The following MAGEA1 variants were observed in gnomAD, a reference collection of about 807,000 sequenced individuals.
The protein encoded by MAGEA1 is MAGE family member A1.
For missense variants in MAGEA1, 182 were observed against 233.7 expected (o/e 0.78, Z 1.44); for synonymous variants, 101 against 96.7 (o/e 1.04, Z -0.26).
intron 1 of MAGEA1, among the ~76,000 whole-genome samples, chrX:153,179,609 G>A (rs1335334206): frequency 9.1e-6 from 1 of 109,334 alleles, no homozygotes; most frequent in Non-Finnish European, 1.9e-5. Context: ...GGCTCTGCCA[G>A]GCATCAAGAT....
intron 1 of MAGEA1, among the ~76,000 whole-genome samples, chrX:153,181,296 C>T (rs2051491855): frequency 9.0e-6 from 1 of 110,750 alleles, no homozygotes; most frequent in Admixed American, 9.5e-5. Context: ...CTCAGGTCAA[C>T]GTAGGGACCC....
intron 2 of MAGEA1, 34 bp from the exon 3 acceptor site, chrX:153,182,291 G>T: frequency 1.0e-6 from 1 of 985,992 alleles, no homozygotes; most frequent in African/African-American, 1.9e-5. Context: ...TCAGTTCTCA[G>T]CTGAGGCCTC....
chrX:153,181,483 G>A (rs1199853492), intron 1 of MAGEA1, among the ~76,000 whole-genome samples: 2 of 111,599 alleles, frequency 1.8e-5, no homozygotes, highest in Non-Finnish European at 3.8e-5. Context: ...AGGTCCTTCC[G>A]TTATCCTGGG....
intron 1 of MAGEA1, among the ~76,000 whole-genome samples, chrX:153,181,673 C>G (rs1380121241): frequency 9.0e-6 from 1 of 111,649 alleles, no homozygotes; most frequent in Non-Finnish European, 1.9e-5. Flanking sequence ...GACCTAGGCA[C>G]GTGTGGCCAG....
chrX:153,181,128 C>T (rs1163596598), intron 1 of MAGEA1, among the ~76,000 whole-genome samples: 2 of 110,913 alleles, frequency 1.8e-5, no homozygotes, highest in African/African-American at 3.3e-5. Context: ...GAAGCACAGG[C>T]GCTGGCAGGA....
Position 153,183,173 on chromosome X carries a change from T to C in MAGEA1, c.784T>C (p.Tyr262His). ...RQVPDSDPARYEFLWGPRALA... is the reference protein window; with the variant it reads ...RQVPDSDPARHEFLWGPRALA... Reference sequence around the variant, plus strand: ...GGTGCCGGACAGTGATCCCGCACGCTATGAGTTCCTGTGGGGTCCAAGGGC... The same window carrying C: ...GGTGCCGGACAGTGATCCCGCACGCCATGAGTTCCTGTGGGGTCCAAGGGC... The change falls in exon 3 of 3, where the codon TAT (tyrosine) becomes CAT (histidine). Residue 262 changes from tyrosine (Y) to histidine (H), a missense_variant. Coordinates refer to ENST00000356661, the MANE Select transcript of MAGEA1 (RefSeq NM_004988.5). 8.2e-7 allele frequency: 1 copy of C among 1,212,416 alleles called. No homozygotes were observed. Among genetic ancestry groups the C allele is most frequent in the South Asian group, 1.8e-5 (1 of 57,056 alleles).
In MAGEA1 at chrX:153,182,664, G is replaced by A; in HGVS notation, c.275G>A (p.Cys92Tyr). 8.3e-7 allele frequency: 1 copy of A among 1,212,039 alleles called. No individual in the cohort carries two copies. Among genetic ancestry groups the A allele is most frequent in the Non-Finnish European group, 1.1e-6 (1 of 895,575 alleles). The change falls in exon 3 of 3, where the codon TGT becomes TAT. Residue 92 changes from cysteine (C) to tyrosine (Y), a missense_variant. Cys to Tyr is a radical substitution (Grantham distance 194). Transcript: ENST00000356661. ...GAAGAGGAGGGGCCAAGCACCTCTT[G>A]TATCCTGGAGTCCTTGTTCCGAGCA... ...SREEEGPSTS[C>Y]ILESLFRAVI...
intron 1 of MAGEA1, among the ~76,000 whole-genome samples, chrX:153,180,243 A>G (rs2051485847): frequency 9.0e-6 from 1 of 111,312 alleles, no homozygotes; most frequent in South Asian, 3.8e-4. Flanking sequence ...TGACCGGGGC[A>G]GGGTTGGTCA....
In MAGEA1 at chrX:153,182,499, C is replaced by T. The variant is rs151247964; in HGVS notation, c.110C>T (p.Pro37Leu). ...CVQAATSSSSPLVLGTLEEVP... is the reference protein window; with the variant it reads ...CVQAATSSSSLLVLGTLEEVP... ...CAGGCTGCCACCTCCTCCTCCTCTC[C>T]TCTGGTCCTGGGCACCCTGGAGGAG... Residue 37 changes from proline (P) to leucine (L), a missense_variant, in exon 3 of 3, where the codon CCT becomes CTT. Transcript: ENST00000356661. The T allele has an allele frequency of 2.3e-4, 279 of 1,209,863 alleles. No individual in the cohort carries two copies. The highest frequency in any genetic ancestry group is 4.6e-4 in the Middle Eastern group (2 of 4,351).
rs142315436 is a variant in MAGEA1, at chrX:153,183,162, A to G, written c.773A>G (p.Asp258Gly). The part of the protein sequence containing the change: ...YLEYRQVPDS[D>G]PARYEFLWGP... ...GAGTACCGGCAGGTGCCGGACAGTG[A>G]TCCCGCACGCTATGAGTTCCTGTGG... The change falls in exon 3 of 3, where the codon GAT becomes GGT. Residue 258 changes from aspartate to glycine, a missense_variant. Transcript: ENST00000356661. The G allele has an allele frequency of 8.3e-7, 1 of 1,210,898 alleles. No homozygotes were observed.
intron 1 of MAGEA1, among the ~76,000 whole-genome samples, chrX:153,180,173 A>AC (rs1470273571): frequency 9.1e-6 from 1 of 109,897 alleles, no homozygotes; most frequent in Non-Finnish European, 1.9e-5. Flanking sequence ...CAGCTGGACC[A>AC]CCCCCCGTCC....
Position 153,183,162 on chromosome X carries a change from A to C in MAGEA1, c.773A>C (p.Asp258Ala), listed in dbSNP as rs142315436. The C allele has an allele frequency of 1.2e-3, 1,415 of 1,210,898 alleles. 2 individuals are homozygous for C. Among genetic ancestry groups the C allele is most frequent in the Non-Finnish European group, 1.5e-3 (1,310 of 895,427 alleles). The stretch of plus-strand genomic sequence containing the variant: ...GAGTACCGGCAGGTGCCGGACAGTG[A>C]TCCCGCACGCTATGAGTTCCTGTGG... ...YLEYRQVPDSDPARYEFLWGP... is the reference protein window; with the variant it reads ...YLEYRQVPDSAPARYEFLWGP... Residue 258 changes from aspartate (D) to alanine (A), a missense_variant, in exon 3 of 3, where the codon GAT becomes GCT. By Grantham distance (126) the Asp-to-Ala change is moderately radical. Coordinates refer to ENST00000356661, the MANE Select transcript of MAGEA1 (RefSeq NM_004988.5).
intron 1 of MAGEA1, among the ~76,000 whole-genome samples, chrX:153,179,873 C>G (rs1181246939): frequency 1.8e-5 from 2 of 110,190 alleles, no homozygotes; most frequent in Non-Finnish European, 3.8e-5. Flanking sequence ...TCGCCTCCCC[C>G]ATTCTGGCAG....
At chrX:153,181,173 T>A (rs2051491097) in intron 1 of MAGEA1, among the ~76,000 whole-genome samples, 1 of 111,163 alleles carries the variant, frequency 9.0e-6, no homozygotes, top group Non-Finnish European at 1.9e-5. Context: ...GCTATTGGAA[T>A]CCTCACCCCA....
chrX:153,182,413 G>T lies in MAGEA1; in HGVS notation c.24G>T (p.Leu8=). 6 of 1,210,518 alleles carry T rather than the reference G, an allele frequency of 5.0e-6. No homozygotes were observed. The highest frequency in any genetic ancestry group is 6.7e-6 in the Non-Finnish European group (6 of 894,809). The stretch of plus-strand genomic sequence containing the variant: ...TCATGTCTCTTGAGCAGAGGAGTCT[G>T]CACTGCAAGCCTGAGGAAGCCCTTG... MSLEQRS[L]HCKPEEALEA... The change falls in exon 3 of 3, where the codon CTG becomes CTT. Residue 8 remains leucine (L), a synonymous_variant. Transcript: ENST00000356661.
chrX:153,182,292 C>A, intron 2 of MAGEA1, 33 bp from the exon 3 acceptor site: 1 of 986,068 alleles, frequency 1.0e-6, no homozygotes, highest in Non-Finnish European at 1.4e-6. Context: ...CAGTTCTCAG[C>A]TGAGGCCTCT....
Position 153,182,442 on chromosome X carries a change from C to G in MAGEA1, c.53C>G (p.Ala18Gly). ...LHCKPEEALE[A>G]QQEALGLVCV... ...TGCAAGCCTGAGGAAGCCCTTGAGG[C>G]CCAACAAGAGGCCCTGGGCCTGGTG... Residue 18 changes from alanine to glycine, a missense_variant, in exon 3 of 3, where the codon GCC becomes GGC. Physicochemically the swap from Ala to Gly is moderately conservative, Grantham distance 60. Coordinates refer to ENST00000356661, the MANE Select transcript of MAGEA1 (RefSeq NM_004988.5). 8.3e-7 allele frequency: 1 copy of G among 1,211,075 alleles called. No individual in the cohort carries two copies.
rs183763083 is a variant in MAGEA1 at position 153,180,020 on chromosome X, G to C, written c.-139+655G>C. 4.2e-3 allele frequency among the ~76,000 whole-genome samples: 456 copies of C among 108,472 alleles called. 3 individuals are homozygous for C. The highest frequency in any genetic ancestry group is 0.015 in the African/African-American group (429 of 28,423). The allele number at this position is 108,472 out of a possible 115,157, so 94.2% of individuals were successfully genotyped here. ...AGGGGCGGCTTGAGATCCACTGAGGGGAGTGGTTTTAGGCTCTGTGAGGAG... is the reference window on the plus strand; with the variant it reads ...AGGGGCGGCTTGAGATCCACTGAGGCGAGTGGTTTTAGGCTCTGTGAGGAG... On this transcript the variant is annotated intron_variant, in intron 1 of 2. Transcript: ENST00000356661.
chrX:153,181,158 A>G (rs1450176410), intron 1 of MAGEA1, among the ~76,000 whole-genome samples: 1 of 111,370 alleles, frequency 9.0e-6, no homozygotes, highest in Admixed American at 9.5e-5. Flanking sequence ...AGTGAGACAG[A>G]CAAGGCTATT....
Sources: allele counts gnomAD v4.1 joint callset (sites outside exome capture counted in the v4.1 genomes callset), GRCh38; gene constraint gnomAD v4.1.1; transcripts MANE v1.5; gene names NCBI Gene and HGNC (gene_info 2026-07-23, HGNC 2026-07-21).